NPAS3: variants seen among roughly 807,000 people sequenced by gnomAD.
NPAS3 encodes neuronal PAS domain protein 3.
NPAS3 carries 14 observed loss-of-function variants against 73.1 expected under a neutral mutation model. That is an observed-to-expected ratio of 0.19 (90% CI 0.13 to 0.30). The LOEUF (loss-of-function observed/expected upper bound fraction) is 0.30. NPAS3 is among the 10% of genes least tolerant of loss of function. The pLI is 1.00. For missense variants in NPAS3, 1,096 were observed against 1,250.0 expected, an observed-to-expected ratio of 0.88 and a Z score of 1.86; for synonymous variants, 620 against 541.5, an observed-to-expected ratio of 1.14 and a Z score of -2.01.
In NPAS3 at chr14:33,387,740, A is replaced by G. The variant is rs536574472; in HGVS notation, c.468+20472A>G. Among the ~76,000 whole-genome samples the G allele has an allele frequency of 2.6e-5, 4 of 152,256 alleles. No individual in the cohort carries two copies. The East Asian group carries it at 5.8e-4, about 22-fold the overall frequency. ...CATATCACAAGGGCCTCTCAGTGAA[A>G]TAATGGTTTGTTTATTATGCCCTAA... On this transcript the variant is annotated intron_variant, in intron 4 of 11. Coordinates refer to ENST00000356141, the Ensembl canonical transcript of NPAS3.
chr14:33,295,693 G>A (rs2042268883), intron 3 of NPAS3, among the ~76,000 whole-genome samples: 1 of 152,216 alleles, frequency 6.6e-6, no homozygotes, highest in South Asian at 2.1e-4. Context: ...GGATACTTAT[G>A]TAATGTATTT....
intron 4 of NPAS3, among the ~76,000 whole-genome samples, chr14:33,376,182 C>T (rs1020602858): frequency 2.6e-5 from 4 of 151,930 alleles, no homozygotes; most frequent in African/African-American, 9.7e-5. Flanking sequence ...GATGTTAATC[C>T]TAAGGGGAAA....
At chr14:33,264,727 A>T (rs2049107908) in intron 3 of NPAS3, among the ~76,000 whole-genome samples, 1 of 152,118 alleles carries the variant, frequency 6.6e-6, no homozygotes, top group African/African-American at 2.4e-5. Flanking sequence ...AATGTGAATG[A>T]TAGAAGGTGA....
At chr14:33,783,966 T>G (rs1427428462) in intron 9 of NPAS3, among the ~76,000 whole-genome samples, 4 of 152,220 alleles carry the variant, frequency 2.6e-5, no homozygotes, top group African/African-American at 9.7e-5. Context: ...ATTGGATGAA[T>G]TCTGAGAACA....
chr14:32,950,179 A>G (rs976995173), intron 1 of NPAS3, among the ~76,000 whole-genome samples: 3 of 152,070 alleles, frequency 2.0e-5, no homozygotes, highest in Non-Finnish European at 4.4e-5. Context: ...ATCTCAACAC[A>G]GTGGGTAGTT....
chr14:32,945,413 T>C (rs542938410), intron 1 of NPAS3, among the ~76,000 whole-genome samples: 1 of 152,336 alleles, frequency 6.6e-6, no homozygotes, highest in East Asian at 1.9e-4. Context: ...TCAGACACTA[T>C]ATTACATGCT....
intron 4 of NPAS3, among the ~76,000 whole-genome samples, chr14:33,450,202 T>C (rs897241634): frequency 1.3e-5 from 2 of 152,218 alleles, no homozygotes; most frequent in Non-Finnish European, 2.9e-5. Flanking sequence ...TTATGCAACA[T>C]ATACATTGTT....
At chr14:33,051,280 CAAA>C (rs1236766783) in intron 1 of NPAS3, among the ~76,000 whole-genome samples, 14 of 64,246 alleles carry the variant, frequency 2.2e-4, no homozygotes, top group African/African-American at 7.1e-4. Flanking sequence ...GACTCCGTCT[CAAA>C]AAAAAAAAAA....
At chr14:33,428,508 T>G (rs1251533339) in intron 4 of NPAS3, among the ~76,000 whole-genome samples, 2 of 152,076 alleles carry the variant, frequency 1.3e-5, no homozygotes, top group African/African-American at 4.8e-5. Flanking sequence ...AATTACAAGG[T>G]TGCTAATGTT....
intron 3 of NPAS3, among the ~76,000 whole-genome samples, chr14:33,225,128 A>T (rs2047580694): frequency 1.3e-5 from 2 of 152,258 alleles, no homozygotes; most frequent in South Asian, 4.1e-4. Context: ...GGCTGATTGT[A>T]TTAGGAAACG....
intron 4 of NPAS3, among the ~76,000 whole-genome samples, chr14:33,406,740 T>G (rs571784997): frequency 6.6e-6 from 1 of 152,246 alleles, no homozygotes; most frequent in African/African-American, 2.4e-5. Flanking sequence ...TGTGCTCAAA[T>G]CTGGGGTGGG....
intron 5 of NPAS3, among the ~76,000 whole-genome samples, chr14:33,616,651 G>A (rs548353052): frequency 7.9e-5 from 12 of 152,302 alleles, no homozygotes; most frequent in East Asian, 3.9e-4. Context: ...CACTCTCAGC[G>A]CAGAGGGGCT....
chr14:33,116,987 A>G (rs770407534), intron 2 of NPAS3, among the ~76,000 whole-genome samples: 5 of 152,164 alleles, frequency 3.3e-5, no homozygotes, highest in Non-Finnish European at 5.9e-5. Flanking sequence ...GCTTTGTAAC[A>G]GAATATCACA....
At chr14:33,614,602 A>T (rs143102767) in intron 5 of NPAS3, among the ~76,000 whole-genome samples, 1 of 152,212 alleles carries the variant, frequency 6.6e-6, no homozygotes, top group Non-Finnish European at 1.5e-5. Context: ...TAGCATAAGC[A>T]GCTTAAACAG....
At chr14:33,153,327 A>T (rs888609645) in intron 2 of NPAS3, among the ~76,000 whole-genome samples, 1 of 151,984 alleles carries the variant, frequency 6.6e-6, no homozygotes, top group Non-Finnish European at 1.5e-5. Context: ...GAGTGCATGA[A>T]CTGGGCTTGT....
chr14:33,737,902 A>C (rs2061562748), intron 7 of NPAS3, among the ~76,000 whole-genome samples: 1 of 152,226 alleles, frequency 6.6e-6, no homozygotes. Flanking sequence ...CATTGTATGC[A>C]TCTTTTCCCA....
intron 4 of NPAS3, among the ~76,000 whole-genome samples, chr14:33,428,423 C>T (rs946091525): frequency 1.3e-5 from 2 of 152,032 alleles, no homozygotes; most frequent in Non-Finnish European, 2.9e-5. Flanking sequence ...TTAAAGTCTG[C>T]CTACAGATTT....
chr14:33,351,673 A>G (rs1012185078), intron 3 of NPAS3, among the ~76,000 whole-genome samples: 2 of 152,232 alleles, frequency 1.3e-5, no homozygotes, highest in Non-Finnish European at 2.9e-5. Flanking sequence ...CTCCAAATCC[A>G]TAATATAGAA....
intron 4 of NPAS3, among the ~76,000 whole-genome samples, chr14:33,497,299 A>G (rs915228967): frequency 6.6e-6 from 1 of 152,162 alleles, no homozygotes; most frequent in Admixed American, 6.5e-5. Context: ...ATTCAGTGCT[A>G]TCCCCATCAA....
Sources: allele counts gnomAD v4.1 joint callset (sites outside exome capture counted in the v4.1 genomes callset), GRCh38; gene constraint gnomAD v4.1.1; transcripts MANE v1.5; gene names NCBI Gene and HGNC (gene_info 2026-07-23, HGNC 2026-07-21).